The following MCCC1 variants were observed in gnomAD, a reference collection of about 807,000 sequenced individuals.
MCCC1 encodes methylcrotonoyl-CoA carboxylase subunit alpha, mitochondrial.
Under a neutral mutation model 83.8 loss-of-function variants are expected in MCCC1, and 64 were observed. That is an observed-to-expected ratio of 0.76 (90% confidence interval 0.62 to 0.94). MCCC1 has a LOEUF of 0.94. MCCC1 is among the 40% of genes least tolerant of loss of function. The pLI is 0.00. For synonymous variants in MCCC1, 322 were observed against 315.4 expected (o/e 1.02, Z -0.22); for missense variants, 807 against 904.7 (o/e 0.89, Z 1.39).
intron 1 of MCCC1, among the ~76,000 whole-genome samples, chr3:183,106,881 A>C (rs59689670): frequency 2.0e-5 from 3 of 152,078 alleles, no homozygotes; most frequent in Non-Finnish European, 4.4e-5. Context: ...GTGTACACAC[A>C]CACACTCACA....
chr3:183,108,967 G>T lies in MCCC1; in HGVS notation c.-102+6507C>A, dbSNP rs181736521. On this transcript the variant is annotated intron_variant, in intron 1 of 17. Transcript: ENST00000492597. ...TTTAGGTTCGGGGCTACACATGCAGGTTTGTGGGGTTTTTTGTTTGTTTGT... is the reference window on the plus strand; with the variant it reads ...TTTAGGTTCGGGGCTACACATGCAGTTTTGTGGGGTTTTTTGTTTGTTTGT... 1.3e-3 allele frequency among the ~76,000 whole-genome samples: 198 copies of T among 152,184 alleles called. 1 individual carries two copies. The highest frequency in any genetic ancestry group is 4.7e-3 in the African/African-American group (195 of 41,540).
rs75733077 is a variant in MCCC1 at position 183,096,712 on chromosome 3, G to A, written c.90-2107C>T. ...CCCACAGCTTTGGCAGGAGAGTTCC[G>A]TGAGCTAGCTTCCTCACGAGGCTGC... On this transcript the variant is annotated intron_variant, in intron 1 of 18. Coordinates refer to ENST00000265594, the MANE Select transcript of MCCC1 (RefSeq NM_020166.5). Among the ~76,000 whole-genome samples, 313 of 152,312 alleles carry A rather than the reference G, an allele frequency of 2.1e-3. 1 individual carries two copies. Among genetic ancestry groups the A allele is most frequent in the African/African-American group, 7.1e-3 (295 of 41,570 alleles).
chr3:183,050,680 TG>T (rs1714901199), intron 9 of MCCC1, among the ~76,000 whole-genome samples: 1 of 122,944 alleles, frequency 8.1e-6, no homozygotes, highest in Non-Finnish European at 1.6e-5. Context: ...CATTCCAGCC[TG>T]GGAGACAGAG....
At chr3:183,110,492 C>T (rs1719474480) in intron 1 of MCCC1, among the ~76,000 whole-genome samples, 1 of 151,254 alleles carries the variant, frequency 6.6e-6, no homozygotes, top group Non-Finnish European at 1.5e-5. Context: ...CTCCCAGGTT[C>T]ACGCCATTCT....
At chr3:183,044,810 C>G (rs950548169) in intron 10 of MCCC1, among the ~76,000 whole-genome samples, 1 of 152,098 alleles carries the variant, frequency 6.6e-6, no homozygotes, top group African/African-American at 2.4e-5. Flanking sequence ...TTTAACCTCC[C>G]ATCTTCCTGT....
chr3:183,073,494 TC>T, intron 4 of MCCC1, among the ~76,000 whole-genome samples: 1 of 152,346 alleles, frequency 6.6e-6, no homozygotes, highest in Middle Eastern at 3.4e-3. Flanking sequence ...TGTCCCCTTA[TC>T]CAAGATCCCT....
At chr3:183,034,642 A>T (rs1308421583) in intron 13 of MCCC1, among the ~76,000 whole-genome samples, 1 of 152,030 alleles carries the variant, frequency 6.6e-6, no homozygotes, top group East Asian at 1.9e-4. Context: ...AGTGGCATAA[A>T]CTGTACCACA....
At chr3:183,053,824 A>AC (rs1234493107) in intron 8 of MCCC1, among the ~76,000 whole-genome samples, 2 of 150,326 alleles carry the variant, frequency 1.3e-5, no homozygotes, top group African/African-American at 4.9e-5. Flanking sequence ...ACAAAAAAAA[A>AC]CAAAAAAAAA....
At chr3:183,082,586 C>A (rs749279849) in intron 4 of MCCC1, among the ~76,000 whole-genome samples, 1 of 152,178 alleles carries the variant, frequency 6.6e-6, no homozygotes, top group Admixed American at 6.5e-5. Flanking sequence ...CAAGGCAGTA[C>A]AACAGTCTCT....
At chr3:183,033,558 C>T (rs1713258556) in intron 14 of MCCC1, among the ~76,000 whole-genome samples, 1 of 152,138 alleles carries the variant, frequency 6.6e-6, no homozygotes, top group African/African-American at 2.4e-5. Context: ...ACTGCATGGG[C>T]AGTGGGTAAT....
At chr3:183,082,733 G>C (rs12497989) in intron 4 of MCCC1, among the ~76,000 whole-genome samples, 1 of 152,130 alleles carries the variant, frequency 6.6e-6, no homozygotes, top group African/African-American at 2.4e-5. Context: ...ACGCCAACAC[G>C]TAGGCAGGCC....
rs767322796 is a variant in MCCC1, at chr3:183,037,281, C to T, written c.1531G>A (p.Ala511Thr). The change falls in exon 13 of 19, where the codon GCA (alanine) becomes ACA (threonine). Residue 511 changes from alanine to threonine, a missense_variant. Coordinates refer to ENST00000265594, the MANE Select transcript of MCCC1 (RefSeq NM_020166.5). ...KAAAKESLCQAALGLILKEKA... is the reference protein window; with the variant it reads ...KAAAKESLCQTALGLILKEKA... Reference sequence around the variant, plus strand: ...TCCTTGAGGATGAGACCCAGGGCTGCCTGGCATAAAGACTCTTTGGCTGCA... The same window carrying T: ...TCCTTGAGGATGAGACCCAGGGCTGTCTGGCATAAAGACTCTTTGGCTGCA... 8 of 1,614,086 alleles carry T rather than the reference C, an allele frequency of 5.0e-6. No individual in the cohort carries two copies. Among genetic ancestry groups the T allele is most frequent in the Non-Finnish European group, 6.8e-6 (8 of 1,180,018 alleles).
rs756412317 is a variant in MCCC1, at chr3:183,025,751, T to G, written c.1731+4A>C. 1 of 1,613,488 alleles carries G rather than the reference T, an allele frequency of 6.2e-7. No homozygotes were observed. The highest frequency in any genetic ancestry group is 1.1e-5 in the South Asian group (1 of 91,060). Reference sequence around the variant, plus strand: ...CACTGTAGAACAAAACCAGTAAGGCTTACCTGCATGCTATAAGACCCATCA... The same window carrying G: ...CACTGTAGAACAAAACCAGTAAGGCGTACCTGCATGCTATAAGACCCATCA... On this transcript the variant is annotated splice_donor_region_variant and intron_variant, in intron 15 of 18. Coordinates refer to ENST00000265594, the MANE Select transcript of MCCC1 (RefSeq NM_020166.5).
Position 183,052,169 on chromosome 3 carries a change from A to G in MCCC1, c.945T>C (p.Tyr315=), listed in dbSNP as rs150862707. 1.4e-4 allele frequency: 218 copies of G among 1,614,102 alleles called. 2 individuals carry two copies. The East Asian group carries it at 3.6e-3, about 26-fold the overall frequency. Residue 315 remains tyrosine, a synonymous_variant, in exon 9 of 19, where the codon TAT becomes TAC. Coordinates refer to ENST00000265594, the MANE Select transcript of MCCC1 (RefSeq NM_020166.5). The stretch of plus-strand genomic sequence containing the variant: ...CAAATCTTAACCTACCTGCTCCAAC[A>G]TAATTTACAGCTTTAGCAGCTCTGA... ...AAVRAAKAVN[Y]VGAGTVEFIM...
intron 11 of MCCC1, among the ~76,000 whole-genome samples, chr3:183,040,382 T>C (rs1295159672): frequency 6.6e-6 from 1 of 151,870 alleles, no homozygotes; most frequent in Non-Finnish European, 1.5e-5. Flanking sequence ...GCTGTTTAAA[T>C]CTACCTATCT....
chr3:183,094,483 G>A (rs1441331492), intron 2 of MCCC1, 76 bp downstream of exon 2: 1 of 1,365,280 alleles, frequency 7.3e-7, no homozygotes, highest in Non-Finnish European at 1.0e-6. Flanking sequence ...CATATATTAA[G>A]GGATTAAACA....
chr3:183,074,447 G>T (rs1306179090), intron 4 of MCCC1, among the ~76,000 whole-genome samples: 1 of 152,158 alleles, frequency 6.6e-6, no homozygotes, highest in East Asian at 1.9e-4. Context: ...GCCCTGAGGG[G>T]ATTTGTTCTT....
At chr3:183,105,945 C>T (rs1371821156) in intron 1 of MCCC1, among the ~76,000 whole-genome samples, 4 of 152,026 alleles carry the variant, frequency 2.6e-5, no homozygotes, top group Non-Finnish European at 4.4e-5. Flanking sequence ...AAATATTAGC[C>T]GGACATGGTG....
At chr3:183,095,316 C>A (rs1260434229) in intron 1 of MCCC1, among the ~76,000 whole-genome samples, 1 of 151,972 alleles carries the variant, frequency 6.6e-6, no homozygotes, top group Non-Finnish European at 1.5e-5. Flanking sequence ...GAACAAAACT[C>A]TTTTGGTTCT....
Sources: gnomAD v4.1 joint callset for allele counts (sites outside exome capture counted in the v4.1 genomes callset) on GRCh38, gnomAD v4.1.1 for gene constraint, MANE v1.5 for transcripts, NCBI Gene and HGNC (gene_info 2026-07-23, HGNC 2026-07-21) for gene names.